ZFP1: variants seen among roughly 807,000 people sequenced by gnomAD.
The protein encoded by ZFP1 is ZFP1 zinc finger protein.
A neutral mutation model predicts 38.5 loss-of-function variants in ZFP1; 32 were observed. The ratio of observed to expected loss-of-function variants is 0.83; its 90% CI spans 0.63 to 1.12. The LOEUF (loss-of-function observed/expected upper bound fraction) is 1.12, where lower values mean the gene tolerates loss of function less well. ZFP1 is among the 50% of genes most tolerant of loss of function. The pLI, the probability that ZFP1 is intolerant of heterozygous loss-of-function variation, is 0.00. For missense variants in ZFP1, 616 were observed against 480.8 expected (o/e 1.28, Z -2.63); for synonymous variants, 245 against 168.8 (o/e 1.45, Z -3.50).
chr16:75,143,647 C>CT (rs386385080), upstream of ZFP1, among the ~76,000 whole-genome samples: 1,229 of 93,728 alleles, frequency 0.013, 90 homozygotes, highest in African/African-American at 0.03. Context: ...GGAGGTGAAT[C>CT]TTTTTTTTTT....
chr16:75,168,242 C>G lies in ZFP1; in HGVS notation c.143-1011C>G, dbSNP rs141126656. Among the ~76,000 whole-genome samples, 600 of 152,320 alleles carry G rather than the reference C, an allele frequency of 3.9e-3. 4 individuals carry two copies. Among genetic ancestry groups the G allele is most frequent in the Non-Finnish European group, 5.6e-3 (383 of 68,034 alleles). On this transcript the variant is annotated intron_variant, in intron 3 of 3. Coordinates refer to ENST00000570010, the MANE Select transcript of ZFP1 (RefSeq NM_153688.4). The stretch of plus-strand genomic sequence containing the variant: ...CAGACTGTTCTCCACAGTGGCTGAA[C>G]TAATTTAAATTCCCACCAACAGTGT...
Position 75,169,245 on chromosome 16 carries a change from A to G in ZFP1, c.143-8A>G, listed in dbSNP as rs1404670602. 6.3e-7 allele frequency: 1 copy of G among 1,595,242 alleles called. No individual in the cohort carries two copies. The highest frequency in any genetic ancestry group is 8.5e-7 in the Non-Finnish European group (1 of 1,174,162). ...CAAGGTTCTTTTCATTGTGCTCTCTATTCCTAGAAGTGTGGAAGGCTGATG... is the reference window on the plus strand; with the variant it reads ...CAAGGTTCTTTTCATTGTGCTCTCTGTTCCTAGAAGTGTGGAAGGCTGATG... On this transcript the variant is annotated splice_region_variant and splice_polypyrimidine_tract_variant and intron_variant, in intron 3 of 3. Transcript: ENST00000570010.
chr16:75,129,757 C>A, the ZFP1 span, among the ~76,000 whole-genome samples: 1 of 152,164 alleles, frequency 6.6e-6, no homozygotes, highest in African/African-American at 2.4e-5. Flanking sequence ...GTGTCATGGG[C>A]ATGTGTCCTC....
chr16:75,143,201 A>C, the ZFP1 span, among the ~76,000 whole-genome samples: 11 of 152,280 alleles, frequency 7.2e-5, no homozygotes, highest in African/African-American at 2.6e-4. Flanking sequence ...AGAAGACATC[A>C]CACAATCTGA....
rs1567548843 is a variant in ZFP1 at position 75,171,925 on chromosome 16, C to A, written c.*1591C>A. The A allele has an allele frequency of 1.3e-5, 2 of 152,170 alleles. No individual in the cohort carries two copies. The highest frequency in any genetic ancestry group is 2.1e-4 in the South Asian group (1 of 4,836). The allele number at this position is 152,170 out of a possible 1,614,324, so 9.4% of individuals were successfully genotyped here. On this transcript the variant is annotated 3_prime_UTR_variant, in exon 4 of 4. Coordinates refer to ENST00000570010, the MANE Select transcript of ZFP1 (RefSeq NM_153688.4). ...CTGTTTTAACATTAATATACTCTTACAACCTAGGAATCTCCTGGGAATCTA... is the reference window on the plus strand; with the variant it reads ...CTGTTTTAACATTAATATACTCTTAAAACCTAGGAATCTCCTGGGAATCTA...
chr16:75,123,873 C>G, the ZFP1 span, among the ~76,000 whole-genome samples: 1 of 151,914 alleles, frequency 6.6e-6, no homozygotes, highest in Admixed American at 6.6e-5. Flanking sequence ...GGATGCATCA[C>G]AAGGTCAGGA....
At chr16:75,150,515 G>A (rs1225691964) in intron 1 of ZFP1, among the ~76,000 whole-genome samples, 1 of 152,112 alleles carries the variant, frequency 6.6e-6, no homozygotes, top group African/African-American at 2.4e-5. Flanking sequence ...CATCGCACCC[G>A]GCCCAGATCT....
chr16:75,120,767 TTTTGTTTGTTTGTTTG>T, the ZFP1 span, among the ~76,000 whole-genome samples: 20 of 149,916 alleles, frequency 1.3e-4, no homozygotes, highest in African/African-American at 4.7e-4. Flanking sequence ...CCAGCTTGTT[TTTTGTTTGTTTGTTTG>T]TTTGTTTGTT....
In ZFP1 at chr16:75,151,191, T is replaced by A. The variant is rs1392681809; in HGVS notation, c.-43-1718T>A. On this transcript the variant is annotated intron_variant, in intron 1 of 3. Coordinates refer to ENST00000570010, the MANE Select transcript of ZFP1 (RefSeq NM_153688.4). ...TCCATTCTTTTATCTTTTTTTTTTT[T>A]AATTTCCTGACTCCTACAACTGATC... Among the ~76,000 whole-genome samples the A allele has an allele frequency of 3.3e-5, 5 of 151,990 alleles. No individual in the cohort carries two copies. In the East Asian group the frequency reaches 5.8e-4, roughly 18 times the overall value.
rs2038299394 is a variant in ZFP1 at position 75,169,472 on chromosome 16, A to G, written c.362A>G (p.Asn121Ser). 1 of 1,612,922 alleles carries G rather than the reference A, an allele frequency of 6.2e-7. No individual in the cohort carries two copies. Residue 121 changes from asparagine to serine, a missense_variant, in exon 4 of 4, where the codon AAT becomes AGT. Physicochemically the swap from Asn to Ser is conservative, Grantham distance 46. Transcript: ENST00000570010. Reference sequence around the variant, plus strand: ...TTGAAATATAATTCAGACTTGCTTAATAGTAATAGAAGCTATGCAGGAAAG... The same window carrying G: ...TTGAAATATAATTCAGACTTGCTTAGTAGTAATAGAAGCTATGCAGGAAAG... ...KTLKYNSDLL[N>S]SNRSYAGKQT...
the ZFP1 span, among the ~76,000 whole-genome samples, chr16:75,122,110 A>G: frequency 8.5e-5 from 13 of 152,332 alleles, no homozygotes; most frequent in African/African-American, 2.4e-4. Flanking sequence ...CAGCAAGGCA[A>G]TTTTCACTTT....
intron 2 of ZFP1, among the ~76,000 whole-genome samples, chr16:75,162,684 C>G (rs993632042): frequency 6.6e-6 from 1 of 152,102 alleles, no homozygotes; most frequent in Non-Finnish European, 1.5e-5. Flanking sequence ...ACCAGTAGAT[C>G]CCAGTGTCTG....
In ZFP1 at chr16:75,171,552, C is replaced by G. The variant is rs899409417; in HGVS notation, c.*1218C>G. On this transcript the variant is annotated 3_prime_UTR_variant, in exon 4 of 4. Coordinates refer to ENST00000570010, the MANE Select transcript of ZFP1 (RefSeq NM_153688.4). ...TATAAAAATCAGATTTTTCAGTGGT[C>G]TCTCCAGATATTAACAAGAATTGTT... 1.3e-5 allele frequency: 2 copies of G among 152,152 alleles called. No individual in the cohort carries two copies. Among genetic ancestry groups the G allele is most frequent in the African/African-American group, 4.8e-5 (2 of 41,434 alleles). 9.4% of individuals were successfully genotyped at this position (152,152 alleles called of 1,614,324 possible). A position where few individuals can be genotyped will look rare whatever the true frequency, so the allele number is the denominator to read the frequency against.
the ZFP1 span, chr16:75,127,997 A>G: frequency 1.3e-5 from 2 of 152,272 alleles, no homozygotes; most frequent in Admixed American, 1.3e-4. Context: ...GCATAAGTGC[A>G]AAAAGAATCT....
intron 2 of ZFP1, among the ~76,000 whole-genome samples, chr16:75,154,204 A>G (rs1376843377): frequency 7.5e-6 from 1 of 133,598 alleles, no homozygotes; most frequent in East Asian, 2.2e-4. Flanking sequence ...AGCCTGGGCA[A>G]CAGAGCGAGA....
At chr16:75,122,931 T>G in the ZFP1 span, among the ~76,000 whole-genome samples, 1 of 152,206 alleles carries the variant, frequency 6.6e-6, no homozygotes, top group Admixed American at 6.5e-5. Flanking sequence ...CAAGCACAGT[T>G]TTTATAAATA....
intron 3 of ZFP1, among the ~76,000 whole-genome samples, chr16:75,167,451 G>T (rs937751898): frequency 6.6e-6 from 1 of 150,812 alleles, no homozygotes; most frequent in South Asian, 2.1e-4. Context: ...CTTGAACCCT[G>T]AAACTTTCCT....
the ZFP1 span, among the ~76,000 whole-genome samples, chr16:75,140,937 C>T: frequency 1.3e-4 from 19 of 151,888 alleles, no homozygotes; most frequent in African/African-American, 4.3e-4. Flanking sequence ...CTAGCCTGGG[C>T]GACAGAGCAA....
chr16:75,124,381 G>C, the ZFP1 span, among the ~76,000 whole-genome samples: 4 of 150,880 alleles, frequency 2.7e-5, no homozygotes, highest in Non-Finnish European at 1.5e-5. Context: ...GCTGGTCTTG[G>C]ACTCCTGACC....
Sources: gnomAD v4.1 joint callset for allele counts (sites outside exome capture counted in the v4.1 genomes callset) on GRCh38, gnomAD v4.1.1 for gene constraint, MANE v1.5 for transcripts, NCBI Gene and HGNC (gene_info 2026-07-23, HGNC 2026-07-21) for gene names.